RBFOX1: variants seen among roughly 807,000 people sequenced by gnomAD.
The protein encoded by RBFOX1 is RNA binding fox-1 homolog 1, also known as RNA binding protein fox-1 homolog 1.
In RBFOX1, 8 loss-of-function variants were observed where a neutral mutation model predicts 57.7. The ratio of observed to expected loss-of-function variants is 0.14; its 90% CI spans 0.08 to 0.25. The LOEUF is 0.25. Ranked by LOEUF, RBFOX1 falls within the 10% of genes least tolerant of loss-of-function variation. RBFOX1 has a pLI of 1.00. For synonymous variants in RBFOX1, 326 were observed against 222.4 expected, an observed-to-expected ratio of 1.47 and a Z score of -4.15; for missense variants, 611 against 548.5, an observed-to-expected ratio of 1.11 and a Z score of -1.14.
At chr16:5,282,621 A>C (rs529783760) in intron 1 of RBFOX1, among the ~76,000 whole-genome samples, 1 of 152,314 alleles carries the variant, frequency 6.6e-6, no homozygotes, top group African/African-American at 2.4e-5. Flanking sequence ...GACTGGTGGC[A>C]TTTTGCCCCT....
chr16:7,114,671 C>A (rs2065497425), intron 4 of RBFOX1, among the ~76,000 whole-genome samples: 1 of 152,174 alleles, frequency 6.6e-6, no homozygotes, highest in Non-Finnish European at 1.5e-5. Context: ...GCCTTCTTCC[C>A]CTGCCTCTCT....
chr16:6,707,450 G>C (rs886464947), intron 3 of RBFOX1, among the ~76,000 whole-genome samples: 2 of 148,216 alleles, frequency 1.3e-5, no homozygotes, highest in Admixed American at 1.3e-4. Flanking sequence ...GAAAATGCTA[G>C]TGAATATTTA....
At chr16:7,474,053 C>T (rs1470001829) in intron 4 of RBFOX1, among the ~76,000 whole-genome samples, 1 of 152,122 alleles carries the variant, frequency 6.6e-6, no homozygotes, top group Non-Finnish European at 1.5e-5. Flanking sequence ...CTTTGGGAGG[C>T]TGAGGAGGGC....
chr16:7,609,116 A>T (rs1454763527), intron 10 of RBFOX1, among the ~76,000 whole-genome samples: 1 of 152,238 alleles, frequency 6.6e-6, no homozygotes, highest in African/African-American at 2.4e-5. Flanking sequence ...TGTCCGCAGC[A>T]GGCACTGCCC....
intron 3 of RBFOX1, among the ~76,000 whole-genome samples, chr16:5,791,389 G>A (rs1432354581): frequency 6.6e-6 from 1 of 152,090 alleles, no homozygotes; most frequent in Non-Finnish European, 1.5e-5. Context: ...ATTATTTTAA[G>A]GCCTTTACAT....
chr16:7,075,355 T>G (rs956078754), intron 4 of RBFOX1, among the ~76,000 whole-genome samples: 2 of 152,160 alleles, frequency 1.3e-5, no homozygotes, highest in Non-Finnish European at 1.5e-5. Flanking sequence ...AGGAGAAGAG[T>G]TGGGAAGTCA....
intron 3 of RBFOX1, among the ~76,000 whole-genome samples, chr16:6,953,445 G>T (rs905237859): frequency 1.3e-5 from 2 of 151,968 alleles, no homozygotes; most frequent in Non-Finnish European, 1.5e-5. Context: ...GGGTACAGTG[G>T]TGCAGTCTCA....
At chr16:6,557,050 TATATAC>T (rs1567672283) in intron 2 of RBFOX1, among the ~76,000 whole-genome samples, 6 of 146,420 alleles carry the variant, frequency 4.1e-5, no homozygotes, top group African/African-American at 1.2e-4. Context: ...TATATACATA[TATATAC>T]ATATATACAT....
intron 3 of RBFOX1, among the ~76,000 whole-genome samples, chr16:5,619,785 C>G (rs1463676788): frequency 6.6e-6 from 1 of 152,150 alleles, no homozygotes; most frequent in Non-Finnish European, 1.5e-5. Context: ...GCTCACCTCT[C>G]TCTTCCATGT....
intron 3 of RBFOX1, among the ~76,000 whole-genome samples, chr16:6,691,844 C>T (rs2060253959): frequency 6.6e-6 from 1 of 152,316 alleles, no homozygotes; most frequent in African/African-American, 2.4e-5. Context: ...GAGCACTTTT[C>T]CTTGCTCTGG....
At chr16:7,230,390 T>C (rs1262797228) in intron 4 of RBFOX1, among the ~76,000 whole-genome samples, 10 of 152,154 alleles carry the variant, frequency 6.6e-5, no homozygotes, top group Admixed American at 4.6e-4. Flanking sequence ...TGGCTTAACA[T>C]ATCAGCTTCC....
chr16:7,562,574 A>G (rs1444253940), intron 5 of RBFOX1, among the ~76,000 whole-genome samples: 3 of 152,310 alleles, frequency 2.0e-5, no homozygotes, highest in Admixed American at 6.5e-5. Context: ...CACCACATCC[A>G]TGGAAGCCAC....
chr16:6,954,941 A>T (rs770179577), intron 3 of RBFOX1, among the ~76,000 whole-genome samples: 1 of 152,096 alleles, frequency 6.6e-6, no homozygotes, highest in African/African-American at 2.4e-5. Context: ...CATCAAATTT[A>T]ATATGAAGGC....
intron 3 of RBFOX1, among the ~76,000 whole-genome samples, chr16:6,951,848 C>G (rs746944753): frequency 6.6e-6 from 1 of 152,194 alleles, no homozygotes; most frequent in Non-Finnish European, 1.5e-5. Context: ...ATTCTCCTGC[C>G]TCAGCCTACT....
chr16:7,556,991 A>G (rs946808531), intron 5 of RBFOX1, among the ~76,000 whole-genome samples: 3 of 152,210 alleles, frequency 2.0e-5, no homozygotes, highest in African/African-American at 4.8e-5. Context: ...CCTCCTCATC[A>G]TATGGATATC....
intron 4 of RBFOX1, chr16:7,510,040 C>A: frequency 1.9e-6 from 1 of 535,222 alleles, no homozygotes; most frequent in Non-Finnish European, 2.4e-6. Flanking sequence ...AGAGTAGGAG[C>A]CAGAGGAGGA....
chr16:6,289,228 G>A (rs150014753), intron 1 of RBFOX1, among the ~76,000 whole-genome samples: 19 of 152,198 alleles, frequency 1.2e-4, no homozygotes, highest in South Asian at 4.1e-4. Context: ...AGAGGTATTC[G>A]TTCCTTGACA....
intron 4 of RBFOX1, among the ~76,000 whole-genome samples, chr16:7,121,062 C>A (rs2067068092): frequency 6.6e-6 from 1 of 151,926 alleles, no homozygotes; most frequent in Admixed American, 6.6e-5. Context: ...AAAAGCTAAT[C>A]TACATTGATG....
chr16:5,350,039 T>C (rs1214082156), intron 1 of RBFOX1, among the ~76,000 whole-genome samples: 1 of 152,222 alleles, frequency 6.6e-6, no homozygotes, highest in African/African-American at 2.4e-5. Context: ...TTGGCTTTAA[T>C]AGAACTGGCG....
Sources: allele counts gnomAD v4.1 joint callset (sites outside exome capture counted in the v4.1 genomes callset), GRCh38; gene constraint gnomAD v4.1.1; transcripts MANE v1.5; gene names NCBI Gene and HGNC (gene_info 2026-07-23, HGNC 2026-07-21).